The following RGS7 variants were observed in gnomAD, a reference collection of about 807,000 sequenced individuals.
RGS7 encodes regulator of G-protein signaling 7.
Under a neutral mutation model 81.1 loss-of-function variants are expected in RGS7, and 27 were observed. That is an observed-to-expected ratio of 0.33 (90% CI 0.25 to 0.46). The LOEUF is 0.46. Ranked by LOEUF, RGS7 falls within the 20% of genes least tolerant of loss-of-function variation. The pLI is 1.00. For synonymous variants in RGS7, 208 were observed against 207.7 expected, an observed-to-expected ratio of 1.00 and a Z score of -0.01; for missense variants, 396 against 607.4, an observed-to-expected ratio of 0.65 and a Z score of 3.66.
chr1:241,094,002 T>C (rs1039769361), intron 3 of RGS7, among the ~76,000 whole-genome samples: 36 of 152,142 alleles, frequency 2.4e-4, no homozygotes, highest in African/African-American at 6.8e-4. Flanking sequence ...CTGTGGAGGA[T>C]TGAAGGAGAT....
intron 6 of RGS7, among the ~76,000 whole-genome samples, chr1:240,912,548 C>T (rs1035046681): frequency 6.6e-6 from 1 of 152,058 alleles, no homozygotes; most frequent in Non-Finnish European, 1.5e-5. Flanking sequence ...ATATAATGCA[C>T]TTGAGGGATG....
At chr1:240,851,058 A>G (rs1660012248) in intron 9 of RGS7, among the ~76,000 whole-genome samples, 2 of 152,320 alleles carry the variant, frequency 1.3e-5, no homozygotes, top group Admixed American at 1.3e-4. Context: ...TCTAGCTAAG[A>G]TAGTTGATTT....
At chr1:240,898,355 G>A (rs986261133) in intron 6 of RGS7, among the ~76,000 whole-genome samples, 4 of 152,080 alleles carry the variant, frequency 2.6e-5, no homozygotes, top group African/African-American at 7.2e-5. Flanking sequence ...TGCTTCTCTA[G>A]TTCTTTTAAT....
At chr1:241,355,413 A>C (rs1158653240) in intron 2 of RGS7, among the ~76,000 whole-genome samples, 1 of 152,244 alleles carries the variant, frequency 6.6e-6, no homozygotes, top group Non-Finnish European at 1.5e-5. Flanking sequence ...TGTGTATAAC[A>C]ACCAAAATAT....
intron 2 of RGS7, among the ~76,000 whole-genome samples, chr1:241,168,824 A>G (rs965854237): frequency 6.6e-5 from 10 of 152,122 alleles, no homozygotes; most frequent in African/African-American, 9.7e-5. Flanking sequence ...CAGAGGTAGA[A>G]GTCAGAGACT....
chr1:241,135,783 T>G (rs752223296), intron 2 of RGS7, among the ~76,000 whole-genome samples: 8 of 152,044 alleles, frequency 5.3e-5, no homozygotes, highest in Non-Finnish European at 7.4e-5. Flanking sequence ...CAGTGGCCTT[T>G]TTTTATTATT....
chr1:240,941,162 C>T (rs919766994), intron 4 of RGS7, among the ~76,000 whole-genome samples: 1 of 152,058 alleles, frequency 6.6e-6, no homozygotes, highest in African/African-American at 2.4e-5. Context: ...CAGGTAAGAC[C>T]TAGATTTAAT....
intron 18 of RGS7, among the ~76,000 whole-genome samples, chr1:240,780,339 C>T (rs934959233): frequency 2.8e-5 from 4 of 142,868 alleles, no homozygotes; most frequent in African/African-American, 1.0e-4. Context: ...CCCAGCTACT[C>T]GGGAGGTGGG....
At chr1:240,963,970 C>A (rs1017428302) in intron 4 of RGS7, among the ~76,000 whole-genome samples, 2 of 152,124 alleles carry the variant, frequency 1.3e-5, no homozygotes, top group Non-Finnish European at 2.9e-5. Flanking sequence ...TGTGATTGTG[C>A]CACTGTACTT....
chr1:240,806,557 A>T (rs997948655), intron 14 of RGS7, among the ~76,000 whole-genome samples: 19 of 147,908 alleles, frequency 1.3e-4, no homozygotes, highest in South Asian at 4.2e-4. Context: ...AAAATATTTT[A>T]AAAATATAAA....
intron 5 of RGS7, among the ~76,000 whole-genome samples, chr1:240,933,716 G>T (rs746150197): frequency 2.0e-5 from 3 of 151,916 alleles, no homozygotes; most frequent in Non-Finnish European, 2.9e-5. Context: ...TTCAACTGTT[G>T]TTCAATAACT....
At chr1:240,944,797 T>C (rs1308687913) in intron 4 of RGS7, among the ~76,000 whole-genome samples, 1 of 152,208 alleles carries the variant, frequency 6.6e-6, no homozygotes, top group Non-Finnish European at 1.5e-5. Flanking sequence ...CACTGCAACC[T>C]CCGCCTTCCA....
intron 2 of RGS7, among the ~76,000 whole-genome samples, chr1:241,110,237 A>T (rs2065422346): frequency 6.6e-6 from 1 of 152,132 alleles, no homozygotes; most frequent in Admixed American, 6.6e-5. Context: ...TCACATCTCC[A>T]ATAACCCTGG....
intron 6 of RGS7, among the ~76,000 whole-genome samples, chr1:240,912,150 CAAAAAA>C (rs374318547): frequency 1.4e-4 from 8 of 55,780 alleles, no homozygotes; most frequent in African/African-American, 7.0e-4. Flanking sequence ...GATTCTGTCT[CAAAAAA>C]AAAAAAAAAA....
At chr1:240,813,478 G>A (rs948997533) in intron 13 of RGS7, 140 bp downstream of exon 13, 64 of 680,904 alleles carry the variant, frequency 9.4e-5, no homozygotes, top group South Asian at 4.8e-4. Flanking sequence ...CCATGATCTC[G>A]AACAAGAATG....
chr1:241,100,374 C>CAAAAA (rs753787286), intron 2 of RGS7, among the ~76,000 whole-genome samples: 1 of 80,456 alleles, frequency 1.2e-5, no homozygotes, highest in African/African-American at 4.2e-5. Flanking sequence ...GACTCCATTT[C>CAAAAA]AAAAAAAAAA....
At chr1:241,280,965 A>AT (rs1238842615) in intron 2 of RGS7, among the ~76,000 whole-genome samples, 1 of 152,194 alleles carries the variant, frequency 6.6e-6, no homozygotes. Flanking sequence ...TTATATGCAG[A>AT]TTTTTTCAAT....
intron 2 of RGS7, among the ~76,000 whole-genome samples, chr1:241,323,460 T>G (rs1471489898): frequency 6.6e-6 from 1 of 152,210 alleles, no homozygotes; most frequent in Non-Finnish European, 1.5e-5. Context: ...AAGTAAATCT[T>G]CAGTCAGAAT....
intron 2 of RGS7, among the ~76,000 whole-genome samples, chr1:241,110,965 G>A (rs368943752): frequency 1.3e-5 from 2 of 152,270 alleles, no homozygotes; most frequent in East Asian, 1.9e-4. Flanking sequence ...GATTATGGGA[G>A]TGAGCCACCG....
Sources: gnomAD v4.1 joint callset for allele counts (sites outside exome capture counted in the v4.1 genomes callset) on GRCh38, gnomAD v4.1.1 for gene constraint, MANE v1.5 for transcripts, NCBI Gene and HGNC (gene_info 2026-07-23, HGNC 2026-07-21) for gene names.